The following RYR2 variants were observed in gnomAD, a reference collection of about 807,000 sequenced individuals.
RYR2 encodes the protein cardiac muscle ryanodine receptor-calcium release channel.
A neutral mutation model predicts 601.1 loss-of-function variants in RYR2; 227 were observed. The ratio of observed to expected loss-of-function variants is 0.38; its 90% CI spans 0.34 to 0.42. The LOEUF is 0.42. RYR2 is among the 10% of genes least tolerant of loss of function. The probability of loss-of-function intolerance (pLI) is 1.00; values close to 1 mark genes in which losing one functional copy is unlikely to be tolerated. For missense variants in RYR2, 4,646 were observed against 6,156.5 expected (o/e 0.75, Z 8.21); for synonymous variants, 2,223 against 2,175.1 (o/e 1.02, Z -0.61).
intron 22 of RYR2, 98 bp downstream of exon 22, chr1:237,503,603 C>T (rs974889749): frequency 9.0e-7 from 1 of 1,109,538 alleles, no homozygotes; most frequent in Non-Finnish European, 1.3e-6. Context: ...ACGAATTTCA[C>T]AGTAATACAG....
intron 1 of RYR2, among the ~76,000 whole-genome samples, chr1:237,118,744 C>CA (rs1357693507): frequency 8.5e-5 from 13 of 152,116 alleles, no homozygotes; most frequent in Non-Finnish European, 1.8e-4. Context: ...GCTGGGACTA[C>CA]AGGCATGGAC....
chr1:237,201,601 A>AC, intron 1 of RYR2, among the ~76,000 whole-genome samples: 1 of 152,190 alleles, frequency 6.6e-6, no homozygotes, highest in African/African-American at 2.4e-5. Flanking sequence ...GAAGCCCATT[A>AC]CACAAACTGG....
intron 24 of RYR2, among the ~76,000 whole-genome samples, chr1:237,521,703 G>A (rs1248766294): frequency 1.3e-5 from 2 of 151,518 alleles, no homozygotes; most frequent in African/African-American, 4.9e-5. Context: ...CTGGGTGACA[G>A]AGCGAGACTC....
chr1:237,058,794 AGGGGCGGGGGGCCGG>A (rs1439302380), intron 1 of RYR2, among the ~76,000 whole-genome samples: 2 of 13,560 alleles, frequency 1.5e-4, no homozygotes, highest in African/African-American at 2.9e-4. Context: ...GGTCTGGAGA[AGGGGCGGGGGGCCGG>A]GGGGCGGGGT....
At position 237,590,734 on chromosome 1, in the gene RYR2, T is replaced by G. The variant is rs770404371; in HGVS notation, c.3902T>G (p.Phe1301Cys). The stretch of plus-strand genomic sequence containing the variant: ...CAGAACAGCAACACTGATATCATGT[T>G]TTATCGCCTGAGCATGCCGATCGAG... ...GSQNSNTDIMFYRLSMPIECA... is the reference protein window; with the variant it reads ...GSQNSNTDIMCYRLSMPIECA... The change falls in exon 31 of 105, where the codon TTT (phenylalanine) becomes TGT (cysteine). Residue 1301 changes from phenylalanine (F) to cysteine (C), a missense_variant. Around this residue, in one of 17 missense-constraint regions of RYR2, gnomAD observed 1,807 missense variants for 2,088.1 expected, o/e 0.87. Transcript: ENST00000366574. The G allele has an allele frequency of 6.2e-7, 1 of 1,613,062 alleles. No individual in the cohort carries two copies. Among genetic ancestry groups the G allele is most frequent in the East Asian group, 2.2e-5 (1 of 44,860 alleles).
chr1:237,164,482 G>A (rs1265002019), intron 1 of RYR2, among the ~76,000 whole-genome samples: 1 of 152,142 alleles, frequency 6.6e-6, no homozygotes, highest in Non-Finnish European at 1.5e-5. Flanking sequence ...AATATTCAAG[G>A]TTGGGCTGAG....
At chr1:237,511,569 G>A in intron 23 of RYR2, 119 bp from the exon 24 acceptor site, 1 of 730,128 alleles carries the variant, frequency 1.4e-6, no homozygotes, top group Non-Finnish European at 2.4e-6. Context: ...GCTTTGCAGG[G>A]GTAATGATCT....
intron 87 of RYR2, among the ~76,000 whole-genome samples, chr1:237,775,447 T>G (rs1045637081): frequency 6.6e-6 from 1 of 152,170 alleles, no homozygotes; most frequent in African/African-American, 2.4e-5. Flanking sequence ...TAGAGAAGCT[T>G]GCCTTAGTGG....
At chr1:237,315,361 CCAT>C (rs1200474316) in intron 2 of RYR2, among the ~76,000 whole-genome samples, 5 of 151,830 alleles carry the variant, frequency 3.3e-5, no homozygotes, top group African/African-American at 9.7e-5. Flanking sequence ...AATTTTTAGA[CCAT>C]CATCAAGTTT....
chr1:237,214,541 C>T (rs1258251706), intron 1 of RYR2, among the ~76,000 whole-genome samples: 2 of 152,174 alleles, frequency 1.3e-5, no homozygotes, highest in Non-Finnish European at 2.9e-5. Context: ...AGTGAGAACT[C>T]ACTCATTACT....
chr1:237,583,024 A>G (rs1674107111), intron 29 of RYR2, among the ~76,000 whole-genome samples: 1 of 151,876 alleles, frequency 6.6e-6, no homozygotes, highest in Non-Finnish European at 1.5e-5. Flanking sequence ...ACAGTGGCTC[A>G]ACTTATTTAC....
chr1:237,220,947 G>A (rs1157947786), intron 1 of RYR2, among the ~76,000 whole-genome samples: 1 of 151,984 alleles, frequency 6.6e-6, no homozygotes, highest in East Asian at 1.9e-4. Context: ...ATAAAAAAAT[G>A]TAGCTGGGCG....
chr1:237,396,303 C>A (rs542092719), intron 10 of RYR2, among the ~76,000 whole-genome samples: 7 of 152,234 alleles, frequency 4.6e-5, no homozygotes, highest in Non-Finnish European at 1.0e-4. Flanking sequence ...ATTGAGAATA[C>A]CTTGATTTCA....
chr1:237,417,266 C>G (rs1052376770), intron 11 of RYR2, 143 bp downstream of exon 11: 4 of 636,566 alleles, frequency 6.3e-6, no homozygotes, highest in Non-Finnish European at 1.1e-5. Context: ...GACAGTTTCT[C>G]TTTTGTCTAT....
At chr1:237,217,328 C>CTTT (rs201492398) in intron 1 of RYR2, among the ~76,000 whole-genome samples, 1 of 146,428 alleles carries the variant, frequency 6.8e-6, no homozygotes, top group African/African-American at 2.5e-5. Context: ...AATTAAAACA[C>CTTT]TTTTTTTTTT....
At chr1:237,554,331 T>C (rs1446652811) in intron 27 of RYR2, among the ~76,000 whole-genome samples, 1 of 152,008 alleles carries the variant, frequency 6.6e-6, no homozygotes, top group East Asian at 1.9e-4. Context: ...TTTCTAGTTC[T>C]AGGATAACTC....
At chr1:237,759,478 T>C (rs1338836034) in intron 82 of RYR2, among the ~76,000 whole-genome samples, 1 of 152,204 alleles carries the variant, frequency 6.6e-6, no homozygotes, top group Non-Finnish European at 1.5e-5. Context: ...CTAGAGTATC[T>C]GAATCACCAA....
rs770034115 is a variant in RYR2, at chr1:237,487,556, C to CAAAAAAA, written c.1709-4236_1709-4230dup. On this transcript the variant is annotated intron_variant, in intron 17 of 104. Transcript: ENST00000366574. Reference sequence around the variant, plus strand: ...CATAATGAGACCACCCCCGTCTCTACAAAAAAAAAAAAAAAAAAAAGCTCA... The same window carrying CAAAAAAA: ...CATAATGAGACCACCCCCGTCTCTACAAAAAAAAAAAAAAAAAAAAAAAAAAAGCTCA... 1.2e-4 allele frequency among the ~76,000 whole-genome samples: 5 copies of CAAAAAAA among 40,624 alleles called. No individual in the cohort carries two copies. In the East Asian group the frequency reaches 2.3e-3, roughly 18 times the overall value. 26.7% of individuals were successfully genotyped at this position (40,624 alleles called of 152,430 possible).
At chr1:237,283,204 C>T (rs891042295) in intron 2 of RYR2, among the ~76,000 whole-genome samples, 2 of 152,210 alleles carry the variant, frequency 1.3e-5, no homozygotes, top group Non-Finnish European at 2.9e-5. Flanking sequence ...CCTGTGTTTA[C>T]AATGCATCTC....
Sources: allele counts gnomAD v4.1 joint callset (sites outside exome capture counted in the v4.1 genomes callset), GRCh38; gene constraint gnomAD v4.1.1; regional missense constraint gnomAD v4.1.1; transcripts MANE v1.5; gene names NCBI Gene and HGNC (gene_info 2026-07-23, HGNC 2026-07-21).